The following PAK5 variants were observed in gnomAD, a reference collection of about 807,000 sequenced individuals.
PAK5 encodes serine/threonine-protein kinase PAK 5.
In PAK5, 16 loss-of-function variants were observed where a neutral mutation model predicts 65.9. The ratio of observed to expected loss-of-function variants is 0.24; its 90% CI spans 0.16 to 0.37. PAK5 has a LOEUF of 0.37. PAK5 is among the 10% of genes least tolerant of loss of function. The pLI, the probability that PAK5 is intolerant of heterozygous loss-of-function variation, is 1.00. For missense variants in PAK5, 785 were observed against 903.9 expected, an observed-to-expected ratio of 0.87 and a Z score of 1.69; for synonymous variants, 371 against 354.9, an observed-to-expected ratio of 1.05 and a Z score of -0.51.
At chr20:9,749,631 C>T (rs943845547) in intron 1 of PAK5, among the ~76,000 whole-genome samples, 8 of 152,128 alleles carry the variant, frequency 5.3e-5, no homozygotes, top group Admixed American at 2.0e-4. Context: ...GATGTAATCA[C>T]ATGTATTTCC....
chr20:9,681,503 A>G (rs757243865), intron 2 of PAK5, among the ~76,000 whole-genome samples: 1 of 151,466 alleles, frequency 6.6e-6, no homozygotes, highest in Non-Finnish European at 1.5e-5. Context: ...ATTTGTTATC[A>G]TTCCTTTTCC....
intron 3 of PAK5, among the ~76,000 whole-genome samples, chr20:9,617,511 T>C (rs1162372472): frequency 6.6e-6 from 1 of 151,476 alleles, no homozygotes; most frequent in African/African-American, 2.4e-5. Flanking sequence ...CTGAGAGACT[T>C]ACTCAATTTG....
rs1212127340 is a variant in PAK5, at chr20:9,538,461, C to T, written c.*1001G>A. The stretch of plus-strand genomic sequence containing the variant: ...ACGTCTTGCCCTGTTCTCTCCTCTC[C>T]CTTTGTGAGCCTGGAATTCTCATGG... On this transcript the variant is annotated 3_prime_UTR_variant, in exon 10 of 10. Coordinates refer to ENST00000353224, the MANE Select transcript of PAK5 (RefSeq NM_177990.4). 1 of 233,522 alleles carries T rather than the reference C, an allele frequency of 4.3e-6. No individual in the cohort carries two copies. The allele number at this position is 233,522 out of a possible 1,614,324, so 14.5% of individuals were successfully genotyped here.
intron 1 of PAK5, among the ~76,000 whole-genome samples, chr20:9,756,679 T>C (rs2048637872): frequency 6.6e-6 from 1 of 152,178 alleles, no homozygotes; most frequent in East Asian, 1.9e-4. Flanking sequence ...AATTAATTTC[T>C]CTTGTGTCTT....
At chr20:9,631,915 T>A (rs2046927143) in intron 3 of PAK5, among the ~76,000 whole-genome samples, 1 of 152,206 alleles carries the variant, frequency 6.6e-6, no homozygotes. Context: ...TGCTTCCACT[T>A]AAAATTACAC....
rs777058115 is a variant in PAK5 at position 9,537,802 on chromosome 20, C to T, written c.*1660G>A. 9.0e-6 allele frequency: 2 copies of T among 222,750 alleles called. No individual in the cohort carries two copies. Among genetic ancestry groups the T allele is most frequent in the Non-Finnish European group, 1.8e-5 (2 of 111,648 alleles). 13.8% of individuals were successfully genotyped at this position (222,750 alleles called of 1,614,324 possible). A position where few individuals can be genotyped will look rare whatever the true frequency, so the allele number is the denominator to read the frequency against. On this transcript the variant is annotated 3_prime_UTR_variant, in exon 10 of 10. Transcript: ENST00000353224. ...TGTTTTATGAAGCAAAATCATAGAT[C>T]ATATTTATGGAGGCATTTCCAGTTT...
intron 3 of PAK5, among the ~76,000 whole-genome samples, chr20:9,594,920 A>T (rs1472321579): frequency 2.0e-5 from 3 of 152,156 alleles, no homozygotes; most frequent in Non-Finnish European, 4.4e-5. Flanking sequence ...AAGGATTTTA[A>T]AATCAGTCCA....
chr20:9,690,408 T>C (rs990571412), intron 2 of PAK5, among the ~76,000 whole-genome samples: 1 of 152,110 alleles, frequency 6.6e-6, no homozygotes, highest in Admixed American at 6.5e-5. Flanking sequence ...AGACTGACTC[T>C]GAGATGAGGA....
At chr20:9,638,250 C>T (rs1230146450) in intron 3 of PAK5, among the ~76,000 whole-genome samples, 4 of 152,126 alleles carry the variant, frequency 2.6e-5, no homozygotes, top group South Asian at 2.1e-4. Flanking sequence ...TTCTCATGGA[C>T]GAAATGACAT....
chr20:9,575,261 T>C (rs1465853748), intron 4 of PAK5, among the ~76,000 whole-genome samples: 1 of 152,114 alleles, frequency 6.6e-6, no homozygotes. Context: ...GTAGTGTAAT[T>C]ATAACTCACT....
chr20:9,670,576 A>C (rs1319934485), intron 2 of PAK5, among the ~76,000 whole-genome samples: 1 of 152,184 alleles, frequency 6.6e-6, no homozygotes, highest in Non-Finnish European at 1.5e-5. Context: ...TCTTCTTTTG[A>C]GAAGTGTCTG....
intron 1 of PAK5, among the ~76,000 whole-genome samples, chr20:9,761,116 C>T (rs781280755): frequency 1.3e-5 from 2 of 152,170 alleles, no homozygotes; most frequent in African/African-American, 2.4e-5. Context: ...GCTAACCTAA[C>T]GCAACAGAAG....
intron 3 of PAK5, among the ~76,000 whole-genome samples, chr20:9,595,651 T>A (rs1020697936): frequency 2.0e-5 from 3 of 152,218 alleles, no homozygotes; most frequent in African/African-American, 7.2e-5. Context: ...ACCACAGATT[T>A]AACAAAAACA....
intron 2 of PAK5, among the ~76,000 whole-genome samples, chr20:9,653,960 T>C (rs2047233358): frequency 9.0e-6 from 1 of 110,884 alleles, no homozygotes; most frequent in African/African-American, 3.8e-5. Flanking sequence ...TCTTTTCTTC[T>C]CTTTTTTTTT....
intron 3 of PAK5, among the ~76,000 whole-genome samples, chr20:9,610,174 G>T (rs984095415): frequency 3.9e-5 from 6 of 152,150 alleles, no homozygotes; most frequent in East Asian, 1.9e-4. Flanking sequence ...ACGCAAAGCC[G>T]AATGTATATA....
chr20:9,764,089 C>T (rs10470072), intron 1 of PAK5, among the ~76,000 whole-genome samples: 29,048 of 151,958 alleles, frequency 0.19, 3,156 homozygotes, highest in East Asian at 0.28. Flanking sequence ...CCACCTTAAA[C>T]CAATAATGTC....
chr20:9,805,452 C>T (rs2049220170), intron 1 of PAK5, among the ~76,000 whole-genome samples: 1 of 151,952 alleles, frequency 6.6e-6, no homozygotes, highest in African/African-American at 2.4e-5. Context: ...TTCATAAAAG[C>T]CAAAAAGTGA....
intron 7 of PAK5, among the ~76,000 whole-genome samples, chr20:9,545,175 C>T (rs543788861): frequency 8.5e-5 from 13 of 152,104 alleles, no homozygotes; most frequent in Non-Finnish European, 1.5e-4. Flanking sequence ...AGGTGGTCAT[C>T]CTAAGGGCTC....
At chr20:9,729,353 T>A (rs1447299522) in intron 1 of PAK5, among the ~76,000 whole-genome samples, 1 of 152,168 alleles carries the variant, frequency 6.6e-6, no homozygotes, top group Non-Finnish European at 1.5e-5. Flanking sequence ...AGTTAGGATG[T>A]CTGATAATGG....
Sources: gnomAD v4.1 joint callset for allele counts (sites outside exome capture counted in the v4.1 genomes callset) on GRCh38, gnomAD v4.1.1 for gene constraint, MANE v1.5 for transcripts, NCBI Gene and HGNC (gene_info 2026-07-23, HGNC 2026-07-21) for gene names.